The following ZNF827 variants were observed in gnomAD, a reference collection of about 807,000 sequenced individuals.
The protein encoded by ZNF827 is zinc finger protein 827.
ZNF827 carries 13 observed loss-of-function variants against 102.4 expected under a neutral mutation model. The ratio of observed to expected loss-of-function variants is 0.13; its 90% confidence interval spans 0.08 to 0.20. The LOEUF (loss-of-function observed/expected upper bound fraction) is 0.20. Ranked by LOEUF, ZNF827 falls within the 10% of genes least tolerant of loss-of-function variation. The pLI is 1.00. For missense variants in ZNF827, 1,103 were observed against 1,344.4 expected (o/e 0.82, Z 2.81); for synonymous variants, 523 against 536.2 (o/e 0.98, Z 0.34).
intron 2 of ZNF827, 110 bp from the exon 3 acceptor site, chr4:145,892,525 T>C: frequency 8.3e-7 from 1 of 1,201,828 alleles, no homozygotes; most frequent in South Asian, 1.9e-5. Flanking sequence ...TGATTTGGGT[T>C]TTTTTCTTGA....
intron 1 of ZNF827, among the ~76,000 whole-genome samples, chr4:145,936,766 T>C (rs1754204112): frequency 6.6e-6 from 1 of 151,968 alleles, no homozygotes; most frequent in African/African-American, 2.4e-5. Context: ...ACCTTAACCC[T>C]TCCCCCACCC....
At chr4:145,767,656 A>C (rs1735515611) in intron 11 of ZNF827, among the ~76,000 whole-genome samples, 2 of 152,242 alleles carry the variant, frequency 1.3e-5, no homozygotes, top group Non-Finnish European at 2.9e-5. Flanking sequence ...AAAAACAAGG[A>C]TGACAGTGGA....
At chr4:145,790,961 G>T (rs1400961960) in intron 8 of ZNF827, among the ~76,000 whole-genome samples, 2 of 152,196 alleles carry the variant, frequency 1.3e-5, no homozygotes, top group South Asian at 2.1e-4. Context: ...CCTTCATCCA[G>T]AAATCCTACC....
chr4:145,904,202 G>A (rs1348766147), intron 1 of ZNF827, among the ~76,000 whole-genome samples: 2 of 152,092 alleles, frequency 1.3e-5, no homozygotes, highest in African/African-American at 4.8e-5. Flanking sequence ...AAAGCTGATT[G>A]TCCAATTCTA....
intron 7 of ZNF827, among the ~76,000 whole-genome samples, chr4:145,845,633 C>T (rs1361745912): frequency 6.6e-6 from 1 of 152,184 alleles, no homozygotes; most frequent in African/African-American, 2.4e-5. Context: ...CCCGGCTCAA[C>T]TCTCAGGCCA....
At chr4:145,915,686 C>T (rs778828905) in intron 1 of ZNF827, among the ~76,000 whole-genome samples, 11 of 152,156 alleles carry the variant, frequency 7.2e-5, no homozygotes, top group Non-Finnish European at 1.2e-4. Context: ...TTCATTCCAT[C>T]ACAATAGCCC....
chr4:145,770,291 C>A, intron 11 of ZNF827, among the ~76,000 whole-genome samples: 1 of 147,548 alleles, frequency 6.8e-6, no homozygotes, highest in African/African-American at 2.5e-5. Flanking sequence ...AGAGTGAGAC[C>A]CTGTCTTAAA....
Position 145,765,547 on chromosome 4 carries a change from C to G in ZNF827, c.3052G>C (p.Gly1018Arg). The change falls in exon 12 of 15, where the codon GGG (glycine) becomes CGG (arginine). Residue 1018 changes from glycine to arginine, a missense_variant and splice_region_variant. Transcript: ENST00000508784. This position sits in a 1 kb window ranked among gnomAD's most constrained non-coding sequence, Gnocchi z 4.7. ...SLNSEEKPEK[G>R]FECVFCNFVC... ...AGGCTCACACCCACCTCCTCCTTACCTTTCTCTGGCTTTTCCTCACTGTTC... is the reference window on the plus strand; with the variant it reads ...AGGCTCACACCCACCTCCTCCTTACGTTTCTCTGGCTTTTCCTCACTGTTC... The G allele has an allele frequency of 6.2e-7, 1 of 1,610,380 alleles. No homozygotes were observed. Among genetic ancestry groups the G allele is most frequent in the Non-Finnish European group, 8.5e-7 (1 of 1,178,062 alleles).
At chr4:145,788,780 A>G (rs1193970276) in intron 8 of ZNF827, among the ~76,000 whole-genome samples, 4 of 152,206 alleles carry the variant, frequency 2.6e-5, no homozygotes, top group African/African-American at 9.6e-5. Context: ...GGTCTTAGCA[A>G]TGGGCCCTCA....
At chr4:145,895,757 G>C (rs771761644) in intron 2 of ZNF827, among the ~76,000 whole-genome samples, 1 of 152,124 alleles carries the variant, frequency 6.6e-6, no homozygotes, top group African/African-American at 2.4e-5. Flanking sequence ...AAGGGAGGAA[G>C]TAAGGTTGTA....
At position 145,938,355 on chromosome 4, in the gene ZNF827, G is replaced by A. The variant is rs372387959; in HGVS notation, c.43+10C>T. 3.4e-5 allele frequency: 55 copies of A among 1,613,746 alleles called. No homozygotes were observed. The African/African-American group carries it at 5.6e-4, about 16-fold the overall frequency. On this transcript the variant is annotated intron_variant, in intron 1 of 14. Transcript: ENST00000508784. ...ATGGCACGAGAGGAGGTGGAGAAGGGATGACTTACGTGAGGGAAGGCGCTT... is the reference window on the plus strand; with the variant it reads ...ATGGCACGAGAGGAGGTGGAGAAGGAATGACTTACGTGAGGGAAGGCGCTT...
intron 1 of ZNF827, among the ~76,000 whole-genome samples, chr4:145,935,701 C>G (rs140130714): frequency 1.4e-4 from 21 of 152,192 alleles, no homozygotes; most frequent in African/African-American, 4.8e-4. Flanking sequence ...TTCAATCAGA[C>G]AGCAAAGTAG....
intron 7 of ZNF827, among the ~76,000 whole-genome samples, chr4:145,830,145 A>G (rs1302901146): frequency 6.6e-6 from 1 of 152,226 alleles, no homozygotes; most frequent in East Asian, 1.9e-4. Context: ...TGCATATGGG[A>G]TCTCCATGTC....
At chr4:145,903,977 A>G (rs1751630823) in intron 1 of ZNF827, among the ~76,000 whole-genome samples, 1 of 152,126 alleles carries the variant, frequency 6.6e-6, no homozygotes, top group Non-Finnish European at 1.5e-5. Context: ...CATGCTTGCC[A>G]TATTATCACA....
At chr4:145,769,249 T>A (rs1735883916) in intron 11 of ZNF827, among the ~76,000 whole-genome samples, 1 of 150,104 alleles carries the variant, frequency 6.7e-6, no homozygotes, top group African/African-American at 2.5e-5. Context: ...GACTACAGAC[T>A]TCTCTCTTGG....
At chr4:145,834,899 T>G (rs910411956) in intron 7 of ZNF827, 1 of 152,128 alleles carries the variant, frequency 6.6e-6, no homozygotes, top group African/African-American at 2.4e-5. Flanking sequence ...AAGTTGCAAT[T>G]CCTTGCCTCC....
intron 1 of ZNF827, among the ~76,000 whole-genome samples, chr4:145,920,265 T>C (rs1025425283): frequency 6.6e-6 from 1 of 152,244 alleles, no homozygotes; most frequent in Non-Finnish European, 1.5e-5. Context: ...AACTTCTGGT[T>C]GTTATGACCA....
intron 8 of ZNF827, among the ~76,000 whole-genome samples, chr4:145,790,146 G>GT (rs1165282494): frequency 3.3e-5 from 5 of 152,170 alleles, no homozygotes; most frequent in Non-Finnish European, 5.9e-5. Flanking sequence ...ACTGTATTAG[G>GT]TGACAGCAAA....
chr4:145,886,260 G>T (rs1014593032), intron 3 of ZNF827, 102 bp from the exon 4 acceptor site: 57 of 1,458,688 alleles, frequency 3.9e-5, no homozygotes, highest in Admixed American at 2.2e-4. Flanking sequence ...ACCGTGCAAA[G>T]GGCTGGCCTT....
Sources: allele counts gnomAD v4.1 joint callset (sites outside exome capture counted in the v4.1 genomes callset), GRCh38; gene constraint gnomAD v4.1.1; non-coding constraint Gnocchi (gnomAD v3.1); transcripts MANE v1.5; gene names NCBI Gene and HGNC (gene_info 2026-07-23, HGNC 2026-07-21).